The following TMEM68 variants were observed in gnomAD, a reference collection of about 807,000 sequenced individuals.
The protein encoded by TMEM68 is DGAT1/2-independent enzyme synthesizing storage lipids.
Under a neutral mutation model 36.9 loss-of-function variants are expected in TMEM68, and 25 were observed. The ratio of observed to expected loss-of-function variants is 0.68; its 90% CI spans 0.49 to 0.95. The LOEUF (loss-of-function observed/expected upper bound fraction) is 0.95, where lower values mean the gene tolerates loss of function less well. Among genes scored for constraint, TMEM68 ranks in the 40% least tolerant of loss-of-function variants. The pLI, the probability that TMEM68 is intolerant of heterozygous loss-of-function variation, is 0.00. For missense variants in TMEM68, 333 were observed against 392.0 expected, an observed-to-expected ratio of 0.85 and a Z score of 1.27; for synonymous variants, 131 against 124.4, an observed-to-expected ratio of 1.05 and a Z score of -0.35.
intron 1 of TMEM68, among the ~76,000 whole-genome samples, chr8:55,769,018 TA>T (rs200493179): frequency 0.11 from 8,885 of 82,158 alleles, 1,446 homozygotes; most frequent in African/African-American, 0.3. Flanking sequence ...ACTCTGTCTT[TA>T]AAAAAAAAAA....
At chr8:55,761,053 A>C (rs1316304172) in intron 3 of TMEM68, 1 of 152,208 alleles carries the variant, frequency 6.6e-6, no homozygotes, top group African/African-American at 2.4e-5. Flanking sequence ...CATAATACCA[A>C]ACCACCTGGT....
At chr8:55,762,122 T>C (rs1220051539) in intron 3 of TMEM68, 3 of 152,584 alleles carry the variant, frequency 2.0e-5, no homozygotes, top group East Asian at 3.8e-4. Flanking sequence ...AGAATGACTA[T>C]CCTGGAGAGA....
chr8:55,749,262 G>T (rs535704062), intron 5 of TMEM68, among the ~76,000 whole-genome samples: 1 of 152,080 alleles, frequency 6.6e-6, no homozygotes, highest in Non-Finnish European at 1.5e-5. Context: ...TGTCACTTTC[G>T]AATAAACCTT....
Position 55,740,009 on chromosome 8 carries a change from C to A in TMEM68, c.*123G>T. 1 of 697,890 alleles carries A rather than the reference C, an allele frequency of 1.4e-6. No homozygotes were observed. Among genetic ancestry groups the A allele is most frequent in the South Asian group, 2.3e-5 (1 of 43,752 alleles). The allele number at this position is 697,890 out of a possible 1,614,324, so 43.2% of individuals were successfully genotyped here. On this transcript the variant is annotated 3_prime_UTR_variant, in exon 8 of 8. Transcript: ENST00000434581. ...AAAGAAACGAATTCTGTGAAAGATG[C>A]TTATTAACATGATTTTTTTAAAAAA...
intron 5 of TMEM68, among the ~76,000 whole-genome samples, chr8:55,749,478 T>C (rs1810372978): frequency 6.6e-6 from 1 of 152,132 alleles, no homozygotes; most frequent in African/African-American, 2.4e-5. Context: ...TATATACACA[T>C]ATATATTACT....
chr8:55,749,827 GTATT>G (rs1049832516), intron 5 of TMEM68, among the ~76,000 whole-genome samples: 34 of 152,056 alleles, frequency 2.2e-4, no homozygotes, highest in African/African-American at 8.2e-4. Context: ...TTATAAAAAG[GTATT>G]TCTTAAACTT....
chr8:55,762,860 A>G lies in TMEM68; in HGVS notation c.100T>C (p.Leu34=). 2 of 1,614,180 alleles carry G rather than the reference A, an allele frequency of 1.2e-6. No homozygotes were observed. Among genetic ancestry groups the G allele is most frequent in the Non-Finnish European group, 1.7e-6 (2 of 1,180,022 alleles). The change falls in exon 3 of 8, where the codon TTG becomes CTG. Residue 34 remains leucine (L), a synonymous_variant. Coordinates refer to ENST00000434581, the MANE Select transcript of TMEM68 (RefSeq NM_001286657.2). ...ILEEWFGVEQ[L]EDYLNFANYL... is the part of the protein sequence containing the mutation. ...TTTGCAAAATTCAAATAGTCCTCCA[A>G]CTGCTCCACACCAAACCATTCTTCG...
chr8:55,772,414 C>T (rs1327780857), intron 1 of TMEM68, among the ~76,000 whole-genome samples: 2 of 152,206 alleles, frequency 1.3e-5, no homozygotes, highest in Admixed American at 6.5e-5. Context: ...ATACCACACA[C>T]CAAATACTAA....
intron 1 of TMEM68, among the ~76,000 whole-genome samples, chr8:55,767,443 T>G (rs921042090): frequency 1.3e-5 from 2 of 152,070 alleles, no homozygotes; most frequent in African/African-American, 4.8e-5. Flanking sequence ...TTAAACATGT[T>G]AAGTTTAAGA....
At position 55,762,803 on chromosome 8, in the gene TMEM68, G is replaced by A. The variant is rs780923330; in HGVS notation, c.157C>T (p.Leu53Phe). 2 of 1,614,108 alleles carry A rather than the reference G, an allele frequency of 1.2e-6. No homozygotes were observed. The highest frequency in any genetic ancestry group is 3.3e-5 in the Admixed American group (2 of 60,024). ...ATAGTAAAGTAAGGAAGTATTAAAA[G>A]TATTAGTGGTGTAAAAACCCACAAG... Reference protein sequence around the residue: ...YLLWVFTPLILLILPYFTIFL... With the variant: ...YLLWVFTPLIFLILPYFTIFL... Residue 53 changes from leucine (L) to phenylalanine (F), a missense_variant, in exon 3 of 8, where the codon CTT (leucine) becomes TTT (phenylalanine). Physicochemically the swap from Leu to Phe is conservative, Grantham distance 22. Coordinates refer to ENST00000434581, the MANE Select transcript of TMEM68 (RefSeq NM_001286657.2).
intron 7 of TMEM68, among the ~76,000 whole-genome samples, chr8:55,741,458 T>G (rs1346584658): frequency 6.6e-6 from 1 of 152,172 alleles, no homozygotes; most frequent in Non-Finnish European, 1.5e-5. Flanking sequence ...AATTATAATA[T>G]TAGTGAAACA....
intron 4 of TMEM68, among the ~76,000 whole-genome samples, chr8:55,751,896 G>A (rs531113952): frequency 5.9e-5 from 9 of 152,202 alleles, no homozygotes; most frequent in Admixed American, 1.3e-4. Context: ...GAAATATAGC[G>A]ATGCATTTGA....
At chr8:55,756,183 C>A in intron 4 of TMEM68, 61 bp downstream of exon 4, 1 of 1,468,298 alleles carries the variant, frequency 6.8e-7, no homozygotes, top group East Asian at 2.3e-5. Flanking sequence ...ATAGAGACGA[C>A]CACATAACTT....
At position 55,770,677 on chromosome 8, in the gene TMEM68, G is replaced by A. The variant is rs117788401; in HGVS notation, c.-115+2592C>T. Among the ~76,000 whole-genome samples the A allele has an allele frequency of 6.5e-4, 99 of 152,140 alleles. No homozygotes were observed. In the East Asian group the frequency reaches 0.015, roughly 23 times the overall value. ...GGGCAACTGAGCAAGACCCTGTCTC[G>A]GGGGCAGGGGGGAACTCTATGTACT... On this transcript the variant is annotated intron_variant, in intron 1 of 7. Transcript: ENST00000434581.
At chr8:55,759,071 T>C (rs192552532) in intron 3 of TMEM68, among the ~76,000 whole-genome samples, 12 of 152,088 alleles carry the variant, frequency 7.9e-5, no homozygotes, top group African/African-American at 2.9e-4. Flanking sequence ...TTCCCTGAGA[T>C]AACATGACCT....
At position 55,754,484 on chromosome 8, in the gene TMEM68, CACACACACAT is replaced by C. The variant is rs1457114379; in HGVS notation, c.493+1750_493+1759del. 7.4e-4 allele frequency among the ~76,000 whole-genome samples: 105 copies of C among 141,102 alleles called. 1 individual carries two copies. Among genetic ancestry groups the C allele is most frequent in the African/African-American group, 2.5e-3 (93 of 37,668 alleles). 92.6% of individuals were successfully genotyped at this position (141,102 alleles called of 152,430 possible). A position where few individuals can be genotyped will look rare whatever the true frequency, so the allele number is the denominator to read the frequency against. On this transcript the variant is annotated intron_variant, in intron 4 of 7. Transcript: ENST00000434581. ...ATATATATACACACACACACACACACACACACACATACATACACACACACACGTGTATATA... is the reference window on the plus strand; with the variant it reads ...ATATATATACACACACACACACACACACATACACACACACACGTGTATATA...
At chr8:55,762,509 G>C (rs761904525) in intron 3 of TMEM68, 126 bp downstream of exon 3, 1 of 1,504,854 alleles carries the variant, frequency 6.6e-7, no homozygotes, top group African/African-American at 1.4e-5. Flanking sequence ...ACAGGTAACA[G>C]GGAATAGTAA....
intron 3 of TMEM68, chr8:55,760,857 A>T (rs1810768967): frequency 6.6e-6 from 1 of 152,190 alleles, no homozygotes; most frequent in Admixed American, 6.5e-5. Context: ...CATAATTCTA[A>T]CTCAAGTAAT....
At chr8:55,764,206 G>A (rs1810896029) in intron 1 of TMEM68, among the ~76,000 whole-genome samples, 1 of 152,118 alleles carries the variant, frequency 6.6e-6, no homozygotes, top group African/African-American at 2.4e-5. Context: ...CCACTATATA[G>A]AGCCCCACCT....
Sources: gnomAD v4.1 joint callset for allele counts (sites outside exome capture counted in the v4.1 genomes callset) on GRCh38, gnomAD v4.1.1 for gene constraint, MANE v1.5 for transcripts, NCBI Gene and HGNC (gene_info 2026-07-23, HGNC 2026-07-21) for gene names.